WDR70: variants seen among roughly 807,000 people sequenced by gnomAD.
WDR70 encodes WD repeat-containing protein 70.
A neutral mutation model predicts 88.6 loss-of-function variants in WDR70; 53 were observed. The observed-to-expected ratio is 0.60, with a 90% confidence interval of 0.48 to 0.75. The LOEUF (loss-of-function observed/expected upper bound fraction) is 0.75, where lower values mean the gene tolerates loss of function less well. Among genes scored for constraint, WDR70 ranks in the 30% least tolerant of loss-of-function variants. The pLI, the probability that WDR70 is intolerant of heterozygous loss-of-function variation, is 0.00. For missense variants in WDR70, 610 were observed against 823.2 expected, an observed-to-expected ratio of 0.74 and a Z score of 3.17; for synonymous variants, 280 against 270.0, an observed-to-expected ratio of 1.04 and a Z score of -0.36.
chr5:37,463,460 C>G (rs1739071465), intron 7 of WDR70, among the ~76,000 whole-genome samples: 1 of 152,152 alleles, frequency 6.6e-6, no homozygotes, highest in South Asian at 2.1e-4. Flanking sequence ...GTTTATCTGT[C>G]TTGCATGTCC....
At chr5:37,702,583 C>A (rs1485399872) in intron 12 of WDR70, among the ~76,000 whole-genome samples, 1 of 152,152 alleles carries the variant, frequency 6.6e-6, no homozygotes, top group East Asian at 1.9e-4. Flanking sequence ...TGTCCGTAGA[C>A]ACTCTTAATG....
chr5:37,690,568 GA>G (rs1201021056), intron 10 of WDR70, among the ~76,000 whole-genome samples: 1 of 152,198 alleles, frequency 6.6e-6, no homozygotes, highest in Non-Finnish European at 1.5e-5. Context: ...CATTCTTAAA[GA>G]AAAGAATTTT....
Position 37,396,451 on chromosome 5 carries a change from A to C in WDR70, c.373A>C (p.Lys125Gln). Residue 125 changes from lysine to glutamine, a missense_variant, in exon 5 of 18, where the codon AAA (lysine) becomes CAA (glutamine). Physicochemically the swap from Lys to Gln is moderately conservative, Grantham distance 53 (BLOSUM62 1). Around this residue, in one of 4 missense-constraint regions of WDR70, gnomAD observed 203 missense variants for 228.1 expected, o/e 0.89. Transcript: ENST00000265107. Reference protein sequence around the residue: ...DELIGPPLPPKMVGKPVNFME... With the variant: ...DELIGPPLPPQMVGKPVNFME... ...GTTAATTGGCCCTCCTTTACCCCCT[A>C]AAATGGTAGGAAAACCAGTTAATTT... 1 of 1,614,044 alleles carries C rather than the reference A, an allele frequency of 6.2e-7. No homozygotes were observed. Among genetic ancestry groups the C allele is most frequent in the Non-Finnish European group, 8.5e-7 (1 of 1,180,002 alleles).
chr5:37,407,669 CTG>C (rs1330936876), intron 5 of WDR70, among the ~76,000 whole-genome samples: 1 of 151,958 alleles, frequency 6.6e-6, no homozygotes, highest in Non-Finnish European at 1.5e-5. Context: ...CGTAGGCTAT[CTG>C]TGCTTTTTTT....
intron 17 of WDR70, among the ~76,000 whole-genome samples, chr5:37,736,925 T>C (rs1748321576): frequency 6.6e-6 from 1 of 152,118 alleles, no homozygotes. Flanking sequence ...AAATTCAAAT[T>C]TACTGACTAG....
chr5:37,467,463 A>G (rs1739190765), intron 7 of WDR70, among the ~76,000 whole-genome samples: 1 of 151,698 alleles, frequency 6.6e-6, no homozygotes, highest in Non-Finnish European at 1.5e-5. Context: ...GACCTCATCT[A>G]AACCTAATTC....
Position 37,738,342 on chromosome 5 carries a change from G to T in WDR70, c.1877+11297G>T, listed in dbSNP as rs1016604158. 3.7e-4 allele frequency among the ~76,000 whole-genome samples: 56 copies of T among 152,230 alleles called. 1 individual carries two copies. The highest frequency in any genetic ancestry group is 2.5e-4 in the Non-Finnish European group (17 of 68,008). ...ATGACTAAGTAATGCAAGTGATTTCGCCTCATACTTGCTCTGTTACCCTGG... is the reference window on the plus strand; with the variant it reads ...ATGACTAAGTAATGCAAGTGATTTCTCCTCATACTTGCTCTGTTACCCTGG... On this transcript the variant is annotated intron_variant, in intron 17 of 17. Transcript: ENST00000265107.
At chr5:37,440,243 G>A (rs1026897243) in intron 6 of WDR70, among the ~76,000 whole-genome samples, 1 of 152,130 alleles carries the variant, frequency 6.6e-6, no homozygotes, top group African/African-American at 2.4e-5. Flanking sequence ...TGAATGTGAT[G>A]ATAAAGTCTA....
chr5:37,426,441 C>T (rs1750125737), intron 5 of WDR70, among the ~76,000 whole-genome samples: 1 of 152,110 alleles, frequency 6.6e-6, no homozygotes, highest in Non-Finnish European at 1.5e-5. Context: ...AAAGAATAGC[C>T]AGTATAATTT....
intron 8 of WDR70, among the ~76,000 whole-genome samples, chr5:37,486,489 G>A (rs1009818773): frequency 5.1e-4 from 46 of 89,786 alleles, no homozygotes; most frequent in Admixed American, 1.9e-3. Flanking sequence ...GATTACAGGC[G>A]CCCGACACCC....
intron 7 of WDR70, among the ~76,000 whole-genome samples, chr5:37,470,254 C>CTGTAAAGTG (rs1411315976): frequency 5.9e-5 from 9 of 152,122 alleles, no homozygotes; most frequent in African/African-American, 2.2e-4. Flanking sequence ...TTAAATTACA[C>CTGTAAAGTG]TGTAAAGTGT....
At chr5:37,700,998 G>A (rs1747144395) in intron 11 of WDR70, 60 bp from the exon 12 acceptor site, 2 of 1,037,908 alleles carry the variant, frequency 1.9e-6, no homozygotes, top group Non-Finnish European at 3.0e-6. Context: ...TAAACTGGGA[G>A]CGAGTTCTTT....
intron 9 of WDR70, among the ~76,000 whole-genome samples, chr5:37,567,654 T>C (rs932605890): frequency 2.0e-5 from 3 of 151,902 alleles, no homozygotes. Flanking sequence ...CTTTTACTGC[T>C]CCCAGTTATC....
rs558916347 is a variant in WDR70 at position 37,613,357 on chromosome 5, G to A, written c.1092+8119G>A. On this transcript the variant is annotated intron_variant, in intron 10 of 17. Coordinates refer to ENST00000265107, the MANE Select transcript of WDR70 (RefSeq NM_018034.4). Reference sequence around the variant, plus strand: ...CCAAATGGATGAAGAGAATTAGAGAGGAGATGATAGCAGAAAAGAGGTATC... The same window carrying A: ...CCAAATGGATGAAGAGAATTAGAGAAGAGATGATAGCAGAAAAGAGGTATC... Among the ~76,000 whole-genome samples, 12 of 152,312 alleles carry A rather than the reference G, an allele frequency of 7.9e-5. No individual in the cohort carries two copies. The South Asian group carries it at 2.3e-3, about 29-fold the overall frequency.
chr5:37,707,978 T>C (rs865823766), intron 13 of WDR70, among the ~76,000 whole-genome samples: 3 of 96,456 alleles, frequency 3.1e-5, no homozygotes, highest in African/African-American at 1.2e-4. Flanking sequence ...TATATATATA[T>C]ATATATATAT....
chr5:37,518,215 T>G (rs1740953645), intron 9 of WDR70, among the ~76,000 whole-genome samples: 1 of 152,084 alleles, frequency 6.6e-6, no homozygotes, highest in East Asian at 1.9e-4. Flanking sequence ...GCGCCCAGCC[T>G]CTTTTAGTTA....
intron 9 of WDR70, among the ~76,000 whole-genome samples, chr5:37,574,375 C>G (rs1299707469): frequency 3.3e-5 from 5 of 152,216 alleles, no homozygotes; most frequent in African/African-American, 4.8e-5. Context: ...ATCCTAGCAG[C>G]ATACCCCCCT....
At chr5:37,410,200 T>G (rs1005678745) in intron 5 of WDR70, among the ~76,000 whole-genome samples, 2 of 150,560 alleles carry the variant, frequency 1.3e-5, no homozygotes, top group East Asian at 3.9e-4. Flanking sequence ...TTAGTTTTTT[T>G]TTTTTTTTTT....
chr5:37,708,177 TC>T (rs1214645862), intron 13 of WDR70, among the ~76,000 whole-genome samples: 1 of 150,720 alleles, frequency 6.6e-6, no homozygotes, highest in Non-Finnish European at 1.5e-5. Context: ...TTTCAGAATA[TC>T]CCTTTCCTGT....
Sources: gnomAD v4.1 joint callset for allele counts (sites outside exome capture counted in the v4.1 genomes callset) on GRCh38, gnomAD v4.1.1 for gene constraint, gnomAD v4.1.1 regional missense constraint, MANE v1.5 for transcripts, NCBI Gene and HGNC (gene_info 2026-07-23, HGNC 2026-07-21) for gene names.